MEIOB: variants seen among roughly 807,000 people sequenced by gnomAD.
MEIOB encodes meiosis-specific with OB domain-containing protein.
Under a neutral mutation model 53.1 loss-of-function variants are expected in MEIOB, and 50 were observed. That is an observed-to-expected ratio of 0.94 (90% CI 0.75 to 1.19). The LOEUF is 1.19. Ranked by LOEUF, MEIOB falls within the 50% of genes most tolerant of loss-of-function variation. The pLI, the probability that MEIOB is intolerant of heterozygous loss-of-function variation, is 0.00. For missense variants in MEIOB, 551 were observed against 550.8 expected, an observed-to-expected ratio of 1.00 and a Z score of 0.00; for synonymous variants, 192 against 182.5, an observed-to-expected ratio of 1.05 and a Z score of -0.42.
At chr16:1,834,651 G>A (rs1448641682) in intron 13 of MEIOB, among the ~76,000 whole-genome samples, 5 of 152,368 alleles carry the variant, frequency 3.3e-5, no homozygotes. Context: ...ATGTGGCCGG[G>A]TGCTGGTGCA....
At chr16:1,870,251 T>C (rs1272515542) in intron 1 of MEIOB, among the ~76,000 whole-genome samples, 2 of 152,252 alleles carry the variant, frequency 1.3e-5, no homozygotes, top group Non-Finnish European at 2.9e-5. Flanking sequence ...CGTATTTTTA[T>C]GTATGTATTT....
intron 6 of MEIOB, among the ~76,000 whole-genome samples, chr16:1,856,596 G>A (rs71385720): frequency 0.019 from 2,863 of 152,170 alleles, 38 homozygotes; most frequent in Middle Eastern, 0.051. Context: ...TGGGATTACA[G>A]GCGTGAGCCA....
chr16:1,854,301 T>C (rs370390723), intron 6 of MEIOB, 101 bp from the exon 7 acceptor site: 4 of 676,122 alleles, frequency 5.9e-6, no homozygotes, highest in Non-Finnish European at 7.7e-6. Context: ...AACACCAAAT[T>C]AGAAATATTA....
At chr16:1,838,840 C>T (rs899610206) in intron 12 of MEIOB, among the ~76,000 whole-genome samples, 4 of 152,108 alleles carry the variant, frequency 2.6e-5, no homozygotes, top group African/African-American at 7.2e-5. Flanking sequence ...TACAAGTGCA[C>T]GTCACCACAC....
At chr16:1,869,404 A>C (rs550718467) in intron 1 of MEIOB, among the ~76,000 whole-genome samples, 4 of 152,242 alleles carry the variant, frequency 2.6e-5, no homozygotes, top group Non-Finnish European at 5.9e-5. Flanking sequence ...GGCGTGAGCC[A>C]CCAAGCCCAG....
rs111936252 is a variant in MEIOB, at chr16:1,834,150, A to G, written c.*106T>C. ...AACAATTTCTAGAAACATGTTCACC[A>G]CATGTAAACAAAATGCAATTTTCCC... On this transcript the variant is annotated 3_prime_UTR_variant, in exon 14 of 14. Coordinates refer to ENST00000325962, the MANE Select transcript of MEIOB (RefSeq NM_001163560.3). 34 of 653,712 alleles carry G rather than the reference A, an allele frequency of 5.2e-5. 1 individual carries two copies. The highest frequency in any genetic ancestry group is 4.4e-4 in the African/African-American group (24 of 54,524). 40.5% of individuals were successfully genotyped at this position (653,712 alleles called of 1,614,324 possible). A position where few individuals can be genotyped will look rare whatever the true frequency, so the allele number is the denominator to read the frequency against.
chr16:1,863,115 G>A lies in MEIOB; in HGVS notation c.128-999C>T, dbSNP rs570040350. The stretch of plus-strand genomic sequence containing the variant: ...CACTCATCTTTAGTCTCAGCTACTT[G>A]GGAGGCTGAGGAGGAAAGGTTGCTT... On this transcript the variant is annotated intron_variant, in intron 3 of 13. Transcript: ENST00000325962. Among the ~76,000 whole-genome samples, 30 of 151,936 alleles carry A rather than the reference G, an allele frequency of 2.0e-4. No individual in the cohort carries two copies. The South Asian group carries it at 6.2e-3, about 32-fold the overall frequency.
At chr16:1,841,459 C>T (rs1448805001) in intron 11 of MEIOB, among the ~76,000 whole-genome samples, 6 of 152,190 alleles carry the variant, frequency 3.9e-5, no homozygotes, top group Non-Finnish European at 7.3e-5. Context: ...AGACTACAGG[C>T]GCATGCTACT....
chr16:1,839,982 T>G (rs1353357522), intron 11 of MEIOB: 1 of 152,348 alleles, frequency 6.6e-6, no homozygotes, highest in Non-Finnish European at 1.5e-5. Context: ...CAGATGCTAT[T>G]AACACTGCTG....
At chr16:1,854,046 G>C in intron 7 of MEIOB, 54 bp downstream of exon 7, 4 of 980,220 alleles carry the variant, frequency 4.1e-6, no homozygotes, top group Non-Finnish European at 4.7e-6. Context: ...AAATGAAAAT[G>C]TCCTGGTGAT....
intron 2 of MEIOB, among the ~76,000 whole-genome samples, chr16:1,867,261 TTAAG>T (rs1404422382): frequency 6.6e-6 from 1 of 152,064 alleles, no homozygotes; most frequent in African/African-American, 2.4e-5. Flanking sequence ...TAGTTTTCTT[TTAAG>T]TAAGTAACAG....
chr16:1,864,653 T>C (rs913863543), intron 3 of MEIOB, among the ~76,000 whole-genome samples: 6 of 151,890 alleles, frequency 4.0e-5, no homozygotes, highest in African/African-American at 1.5e-4. Context: ...CATGCCTGAC[T>C]AATTTTGTAT....
intron 2 of MEIOB, 27 bp from the exon 3 acceptor site, chr16:1,865,862 C>T: frequency 6.7e-7 from 1 of 1,488,026 alleles, no homozygotes; most frequent in Non-Finnish European, 9.1e-7. Context: ...TCACAGAAGA[C>T]CAATATTAAA....
chr16:1,859,931 A>G (rs954205865), intron 5 of MEIOB, among the ~76,000 whole-genome samples: 3 of 152,188 alleles, frequency 2.0e-5, no homozygotes, highest in African/African-American at 4.8e-5. Context: ...CTGAGGCTCC[A>G]GGTGAACCCA....
chr16:1,843,245 A>G (rs1360954655), intron 10 of MEIOB, among the ~76,000 whole-genome samples: 1 of 151,588 alleles, frequency 6.6e-6, no homozygotes, highest in East Asian at 2.0e-4. Context: ...GTGAGCCGAG[A>G]TCGCGCCACT....
Position 1,834,198 on chromosome 16 carries a change from C to T in MEIOB, c.*58G>A. 1 of 859,038 alleles carries T rather than the reference C, an allele frequency of 1.2e-6. No homozygotes were observed. Among genetic ancestry groups the T allele is most frequent in the South Asian group, 1.5e-5 (1 of 65,274 alleles). 53.2% of individuals were successfully genotyped at this position (859,038 alleles called of 1,614,324 possible). ...CCCCATAATTTTCAAATTAATATTC[C>T]ATTTTAAAGGGAGTTAAAACTCTTA... On this transcript the variant is annotated 3_prime_UTR_variant, in exon 14 of 14. Transcript: ENST00000325962.
chr16:1,834,509 G>C (rs945598677), intron 13 of MEIOB, 143 bp from the exon 14 acceptor site: 1 of 535,552 alleles, frequency 1.9e-6, no homozygotes. Context: ...CATTAGAGCT[G>C]TAAGATGATG....
In MEIOB at chr16:1,862,096, T is replaced by C. The variant is rs1258989481; in HGVS notation, c.148A>G (p.Thr50Ala). 1.3e-6 allele frequency: 2 copies of C among 1,551,066 alleles called. No homozygotes were observed. The highest frequency in any genetic ancestry group is 2.4e-5 in the East Asian group (1 of 40,912). The change falls in exon 4 of 14, where the codon ACT becomes GCT. Residue 50 changes from threonine to alanine, a missense_variant. Coordinates refer to ENST00000325962, the MANE Select transcript of MEIOB (RefSeq NM_001163560.3). ...GAATCCCGAATGGTGAAGCTGAAAGTGTACCTTTCTGATCCAATATCTAAG... is the reference window on the plus strand; with the variant it reads ...GAATCCCGAATGGTGAAGCTGAAAGCGTACCTTTCTGATCCAATATCTAAG... ...DRKNIGSERY[T>A]FSFTIRDSPA...
intron 4 of MEIOB, 140 bp downstream of exon 4, chr16:1,861,845 C>T: frequency 1.1e-6 from 1 of 901,412 alleles, no homozygotes; most frequent in Non-Finnish European, 1.6e-6. Flanking sequence ...GCATTATACT[C>T]TTAACACTTG....
Sources: gnomAD v4.1 joint callset for allele counts (sites outside exome capture counted in the v4.1 genomes callset) on GRCh38, gnomAD v4.1.1 for gene constraint, MANE v1.5 for transcripts, NCBI Gene and HGNC (gene_info 2026-07-23, HGNC 2026-07-21) for gene names.